The following TTC28 variants were observed in gnomAD, a reference collection of about 807,000 sequenced individuals.
TTC28 encodes the protein tetratricopeptide repeat domain 28.
In TTC28, 61 loss-of-function variants were observed where a neutral mutation model predicts 198.0. The observed-to-expected ratio is 0.31, with a 90% CI of 0.25 to 0.38. The LOEUF is 0.38. Among genes scored for constraint, TTC28 ranks in the 10% least tolerant of loss-of-function variants. TTC28 has a pLI of 1.00. For missense variants in TTC28, 2,678 were observed against 3,164.0 expected (o/e 0.85, Z 3.69); for synonymous variants, 1,171 against 1,297.8 (o/e 0.90, Z 2.10).
Position 28,296,103 on chromosome 22 carries a change from T to G in TTC28, c.933+95A>C, listed in dbSNP as rs1238544113. ...ATACTTTCTTCTGAAAGTAATATTT[T>G]AAGATACCTGAAACAGTTTGTTTTT... On this transcript the variant is annotated intron_variant, in intron 5 of 22. Transcript: ENST00000397906. 6 of 1,300,952 alleles carry G rather than the reference T, an allele frequency of 4.6e-6. No individual in the cohort carries two copies. The African/African-American group carries it at 7.5e-5, about 16-fold the overall frequency. 80.6% of individuals were successfully genotyped at this position (1,300,952 alleles called of 1,614,324 possible).
intron 5 of TTC28, among the ~76,000 whole-genome samples, chr22:28,254,277 T>C (rs1205824654): frequency 2.6e-5 from 4 of 151,962 alleles, no homozygotes; most frequent in Non-Finnish European, 5.9e-5. Context: ...ATTATAATCA[T>C]GAAAATATAT....
At chr22:28,248,027 T>C (rs1015515292) in intron 5 of TTC28, among the ~76,000 whole-genome samples, 1 of 152,228 alleles carries the variant, frequency 6.6e-6, no homozygotes, top group East Asian at 1.9e-4. Flanking sequence ...CATAGTGTGA[T>C]AAACATTCTA....
intron 2 of TTC28, among the ~76,000 whole-genome samples, chr22:28,514,636 C>A (rs1159904952): frequency 2.0e-5 from 3 of 152,180 alleles, no homozygotes; most frequent in Non-Finnish European, 4.4e-5. Context: ...TGTTTTACTT[C>A]TCTATATTTT....
intron 2 of TTC28, among the ~76,000 whole-genome samples, chr22:28,446,077 A>G (rs2047696179): frequency 6.6e-6 from 1 of 152,222 alleles, no homozygotes; most frequent in Non-Finnish European, 1.5e-5. Context: ...TCAGCAAAGG[A>G]GGCAGACATA....
intron 2 of TTC28, among the ~76,000 whole-genome samples, chr22:28,535,157 T>C (rs2049239867): frequency 6.6e-6 from 1 of 152,086 alleles, no homozygotes; most frequent in African/African-American, 2.4e-5. Flanking sequence ...AAAAAGGAAT[T>C]TGGGAATTAT....
Position 28,523,466 on chromosome 22 carries a change from T to C in TTC28, c.381+106086A>G, listed in dbSNP as rs117986565. Among the ~76,000 whole-genome samples the C allele has an allele frequency of 6.0e-3, 920 of 152,282 alleles. 30 individuals carry two copies. In the East Asian group the frequency reaches 0.085, roughly 14 times the overall value. ...TACTCACTCTGGGCAGTCATGGGGA[T>C]CCACTACTGAGGCCTTAACTAGTCA... On this transcript the variant is annotated intron_variant, in intron 2 of 22. Coordinates refer to ENST00000397906, the MANE Select transcript of TTC28 (RefSeq NM_001145418.2).
chr22:28,390,523 G>A (rs2046700083), intron 2 of TTC28, among the ~76,000 whole-genome samples: 1 of 152,138 alleles, frequency 6.6e-6, no homozygotes. Context: ...GAATCTGGGT[G>A]CTCCTGTATT....
At chr22:28,064,321 G>A (rs1190487593) in intron 12 of TTC28, among the ~76,000 whole-genome samples, 1 of 152,150 alleles carries the variant, frequency 6.6e-6, no homozygotes, top group Admixed American at 6.5e-5. Flanking sequence ...AGAGGGAAAA[G>A]GATGACTTCA....
chr22:27,998,224 T>C, intron 16 of TTC28: 1 of 417,790 alleles, frequency 2.4e-6, no homozygotes, highest in Non-Finnish European at 4.3e-6. Flanking sequence ...TACCACACAC[T>C]CCTTTCTACA....
At chr22:28,166,754 T>G (rs1047793385) in intron 5 of TTC28, among the ~76,000 whole-genome samples, 2 of 152,070 alleles carry the variant, frequency 1.3e-5, no homozygotes, top group Admixed American at 6.5e-5. Context: ...AACATCACAA[T>G]TAGAAGAACT....
chr22:28,108,785 C>A (rs949861311), intron 6 of TTC28, among the ~76,000 whole-genome samples: 1 of 152,120 alleles, frequency 6.6e-6, no homozygotes, highest in East Asian at 1.9e-4. Context: ...CTAAAATAGG[C>A]GAAGACCTGT....
At chr22:28,520,331 TATGA>T (rs1029557136) in intron 2 of TTC28, among the ~76,000 whole-genome samples, 3 of 152,244 alleles carry the variant, frequency 2.0e-5, no homozygotes, top group African/African-American at 7.2e-5. Context: ...GTACACATCT[TATGA>T]ATCTCCAAAA....
intron 2 of TTC28, among the ~76,000 whole-genome samples, chr22:28,491,333 T>A (rs2048374235): frequency 6.6e-6 from 1 of 152,020 alleles, no homozygotes; most frequent in Non-Finnish European, 1.5e-5. Context: ...ACCTACAGAA[T>A]GGGAGAAAAT....
intron 12 of TTC28, among the ~76,000 whole-genome samples, chr22:28,045,226 T>C (rs144508133): frequency 6.6e-5 from 10 of 152,152 alleles, no homozygotes; most frequent in Non-Finnish European, 1.5e-4. Context: ...GCATTTTGAA[T>C]TTTTGATCTT....
At chr22:28,584,987 T>A (rs1294039903) in intron 2 of TTC28, among the ~76,000 whole-genome samples, 3 of 152,166 alleles carry the variant, frequency 2.0e-5, no homozygotes, top group African/African-American at 7.2e-5. Flanking sequence ...ACTATTCTTT[T>A]AAGAAGTCTG....
At chr22:28,267,314 T>C (rs1224497057) in intron 5 of TTC28, among the ~76,000 whole-genome samples, 5 of 152,220 alleles carry the variant, frequency 3.3e-5, no homozygotes, top group Non-Finnish European at 7.3e-5. Flanking sequence ...CTGGCAAGGT[T>C]TCTCCAGTAG....
intron 2 of TTC28, among the ~76,000 whole-genome samples, chr22:28,492,743 A>C (rs1174702024): frequency 6.6e-6 from 1 of 152,202 alleles, no homozygotes; most frequent in East Asian, 1.9e-4. Flanking sequence ...GGATTGGTTT[A>C]AAGTCTGTTT....
chr22:28,390,893 T>C lies in TTC28; in HGVS notation c.382-84250A>G, dbSNP rs561077377. On this transcript the variant is annotated intron_variant, in intron 2 of 22. Transcript: ENST00000397906. ...GAATTTGATCCTGTCATTATGATGC[T>C]AGCTGGTTATTTTGCTGGTTAGTTG... Among the ~76,000 whole-genome samples, 272 of 152,348 alleles carry C rather than the reference T, an allele frequency of 1.8e-3. 2 individuals are homozygous for C. The highest frequency in any genetic ancestry group is 6.2e-3 in the African/African-American group (259 of 41,578).
intron 12 of TTC28, among the ~76,000 whole-genome samples, chr22:28,091,093 C>T (rs1459365976): frequency 3.3e-5 from 5 of 152,178 alleles, no homozygotes; most frequent in African/African-American, 1.2e-4. Context: ...ATGGGAAACA[C>T]AAGCAAGTTG....
Sources: allele counts gnomAD v4.1 joint callset (sites outside exome capture counted in the v4.1 genomes callset), GRCh38; gene constraint gnomAD v4.1.1; transcripts MANE v1.5; gene names NCBI Gene and HGNC (gene_info 2026-07-23, HGNC 2026-07-21).